Variants in SLC1A1 observed in about 807,000 individuals in gnomAD.
SLC1A1 encodes the protein excitatory amino acid transporter 3.
A neutral mutation model predicts 53.3 loss-of-function variants in SLC1A1; 43 were observed. The ratio of observed to expected loss-of-function variants is 0.81; its 90% CI spans 0.63 to 1.04. The LOEUF is 1.04. Ranked by LOEUF, SLC1A1 falls within the 50% of genes least tolerant of loss-of-function variation. The probability of loss-of-function intolerance (pLI) is 0.00; values close to 1 mark genes in which losing one functional copy is unlikely to be tolerated. For synonymous variants in SLC1A1, 307 were observed against 243.2 expected, an observed-to-expected ratio of 1.26 and a Z score of -2.44; for missense variants, 748 against 664.9, an observed-to-expected ratio of 1.12 and a Z score of -1.37.
chr9:4,522,174 C>T (rs1165534896), intron 1 of SLC1A1, among the ~76,000 whole-genome samples: 2 of 151,394 alleles, frequency 1.3e-5, no homozygotes, highest in African/African-American at 4.9e-5. Flanking sequence ...GCCTAAGCCT[C>T]CCGAGTAGCT....
chr9:4,519,708 A>C (rs1815998159), intron 1 of SLC1A1, among the ~76,000 whole-genome samples: 1 of 152,232 alleles, frequency 6.6e-6, no homozygotes, highest in East Asian at 1.9e-4. Flanking sequence ...ATGAGGATAC[A>C]GAGGCTTAGA....
chr9:4,491,704 C>T (rs1333400885), intron 1 of SLC1A1, among the ~76,000 whole-genome samples: 1 of 152,186 alleles, frequency 6.6e-6, no homozygotes, highest in African/African-American at 2.4e-5. Context: ...CTGTCGCCTT[C>T]CCAGTGATAG....
intron 1 of SLC1A1, among the ~76,000 whole-genome samples, chr9:4,501,324 T>C (rs1820623641): frequency 6.6e-6 from 1 of 151,392 alleles, no homozygotes; most frequent in South Asian, 2.1e-4. Context: ...CTGCTTGGTC[T>C]GCATGTTGAA....
At chr9:4,513,762 A>T (rs1821071428) in intron 1 of SLC1A1, among the ~76,000 whole-genome samples, 2 of 152,250 alleles carry the variant, frequency 1.3e-5, no homozygotes, top group Admixed American at 6.5e-5. Flanking sequence ...TGTTTATAGC[A>T]GCACTCTGCA....
intron 1 of SLC1A1, among the ~76,000 whole-genome samples, chr9:4,512,139 A>G (rs2130815409): frequency 6.6e-6 from 1 of 152,320 alleles, no homozygotes; most frequent in South Asian, 2.1e-4. Flanking sequence ...TTCTCCCATA[A>G]TTGATGTATA....
intron 1 of SLC1A1, among the ~76,000 whole-genome samples, chr9:4,491,267 C>T (rs1411722114): frequency 1.3e-5 from 2 of 152,198 alleles, no homozygotes; most frequent in Non-Finnish European, 2.9e-5. Context: ...GGGAGGGAGG[C>T]TGAGAACGCT....
In SLC1A1 at chr9:4,586,817, G is replaced by C. The variant is rs749395042; in HGVS notation, c.*1259G>C. The C allele has an allele frequency of 6.6e-6, 1 of 152,134 alleles. No homozygotes were observed. The highest frequency in any genetic ancestry group is 1.5e-5 in the Non-Finnish European group (1 of 68,020). The allele number at this position is 152,134 out of a possible 1,614,324, so 9.4% of individuals were successfully genotyped here. On this transcript the variant is annotated 3_prime_UTR_variant, in exon 12 of 12. Transcript: ENST00000262352. ...ACATAAGCTGGTATCAGTGGTTCGG[G>C]GGAAATAGTTCCATTCTATGACTCT... is the stretch of plus-strand genomic sequence containing the variant.
chr9:4,511,413 C>G (rs747155441), intron 1 of SLC1A1, among the ~76,000 whole-genome samples: 1 of 152,116 alleles, frequency 6.6e-6, no homozygotes, highest in Non-Finnish European at 1.5e-5. Flanking sequence ...TCTCCCCTCA[C>G]GACCTAATCA....
chr9:4,561,487 G>C lies in SLC1A1; in HGVS notation c.271G>C (p.Gly91Arg). Residue 91 changes from glycine to arginine, a missense_variant, in exon 3 of 12, where the codon GGT becomes CGT. By Grantham distance (125) the Gly-to-Arg change is moderately radical (BLOSUM62 -2). Transcript: ENST00000262352. The stretch of plus-strand genomic sequence containing the variant: ...GGATTCCAACGTATCCGGAAAAATT[G>C]GTCTGCGCGCTGTCGTGTATTATTT... ...ALDSNVSGKI[G>R]LRAVVYYFCT... is the part of the protein sequence containing the mutation. The C allele has an allele frequency of 1.2e-6, 2 of 1,611,020 alleles. No homozygotes were observed. Among genetic ancestry groups the C allele is most frequent in the Non-Finnish European group, 1.7e-6 (2 of 1,177,236 alleles).
Position 4,587,013 on chromosome 9 carries a change from T to C in SLC1A1, c.*1455T>C, listed in dbSNP as rs764153442. On this transcript the variant is annotated 3_prime_UTR_variant, in exon 12 of 12. Coordinates refer to ENST00000262352, the MANE Select transcript of SLC1A1 (RefSeq NM_004170.6). ...CTTGTACTTACACTGAAATCCAAAA[T>C]AGTCATGTTTCTGCAGTATTCTGTA... The C allele has an allele frequency of 6.6e-6, 1 of 152,616 alleles. No homozygotes were observed. The highest frequency in any genetic ancestry group is 1.5e-5 in the Non-Finnish European group (1 of 68,040). 9.5% of individuals were successfully genotyped at this position (152,616 alleles called of 1,614,324 possible).
chr9:4,528,446 G>A lies in SLC1A1; in HGVS notation c.92-16121G>A, dbSNP rs530041152. Among the ~76,000 whole-genome samples, 8 of 152,156 alleles carry A rather than the reference G, an allele frequency of 5.3e-5. No individual in the cohort carries two copies. In the South Asian group the frequency reaches 8.3e-4, roughly 16 times the overall value. On this transcript the variant is annotated intron_variant, in intron 1 of 11. Transcript: ENST00000262352. The stretch of plus-strand genomic sequence containing the variant: ...ACAAAATTAGCTGGGCATGGTGGCC[G>A]GTGCCTGTAGTCCCAGCTACTCGGG...
In SLC1A1 at chr9:4,580,595, ATAT is replaced by A. The variant is rs1417395515; in HGVS notation, c.1194-2442_1194-2440del. On this transcript the variant is annotated intron_variant, in intron 10 of 11. Transcript: ENST00000262352. Reference sequence around the variant, plus strand: ...GACCTTGTCTCTGGAAAAAAAAAAAATATATATGTGTGTGTGTGTGTGTGTGTG... The same window carrying A: ...GACCTTGTCTCTGGAAAAAAAAAAAAATATGTGTGTGTGTGTGTGTGTGTG... 3.5e-5 allele frequency among the ~76,000 whole-genome samples: 3 copies of A among 85,360 alleles called. No homozygotes were observed. In the Admixed American group the frequency reaches 3.8e-4, roughly 11 times the overall value. 56.0% of individuals were successfully genotyped at this position (85,360 alleles called of 152,430 possible). A position where few individuals can be genotyped will look rare whatever the true frequency, so the allele number is the denominator to read the frequency against.
At chr9:4,569,612 G>A (rs1317962379) in intron 6 of SLC1A1, among the ~76,000 whole-genome samples, 1 of 152,222 alleles carries the variant, frequency 6.6e-6, no homozygotes, top group African/African-American at 2.4e-5. Context: ...GAGAAAAGGA[G>A]TGTTCATTAG....
At chr9:4,581,347 A>G (rs759186386) in intron 10 of SLC1A1, among the ~76,000 whole-genome samples, 6 of 152,246 alleles carry the variant, frequency 3.9e-5, no homozygotes, top group Non-Finnish European at 8.8e-5. Context: ...TCAAAGTAGA[A>G]TATGTTCAAG....
intron 1 of SLC1A1, among the ~76,000 whole-genome samples, chr9:4,525,530 T>C (rs779254168): frequency 6.6e-6 from 1 of 152,000 alleles, no homozygotes; most frequent in Non-Finnish European, 1.5e-5. Flanking sequence ...AGTAGGAGAA[T>C]AGGTATCCCC....
chr9:4,564,394 G>A lies in SLC1A1; in HGVS notation c.376G>A (p.Glu126Lys). 2 of 1,613,914 alleles carry A rather than the reference G, an allele frequency of 1.2e-6. No individual in the cohort carries two copies. The highest frequency in any genetic ancestry group is 1.7e-6 in the Non-Finnish European group (2 of 1,179,916). Residue 126 changes from glutamate to lysine, a missense_variant, in exon 4 of 12, where the codon GAA becomes AAA. By Grantham distance (56) the Glu-to-Lys change is moderately conservative. Coordinates refer to ENST00000262352, the MANE Select transcript of SLC1A1 (RefSeq NM_004170.6). ...IKPGVTQKVGEIARTGSTPEV... is the reference protein window; with the variant it reads ...IKPGVTQKVGKIARTGSTPEV... ...GCCTGGTGTCACCCAGAAAGTGGGT[G>A]AAATTGCGAGGACAGGCAGCACCCC...
chr9:4,544,738 T>C (rs775611133), intron 2 of SLC1A1, 31 bp downstream of exon 2: 2 of 1,574,814 alleles, frequency 1.3e-6, no homozygotes, highest in African/African-American at 1.3e-5. Flanking sequence ...TTCTCTATAT[T>C]AGTCCATTTT....
intron 1 of SLC1A1, among the ~76,000 whole-genome samples, chr9:4,518,891 T>C (rs757889741): frequency 6.6e-6 from 1 of 152,132 alleles, no homozygotes. Flanking sequence ...TCTTGACTTA[T>C]AGCAAAATCA....
chr9:4,521,890 C>G (rs1816086948), intron 1 of SLC1A1, among the ~76,000 whole-genome samples: 1 of 152,064 alleles, frequency 6.6e-6, no homozygotes, highest in Non-Finnish European at 1.5e-5. Context: ...TGAACCATAC[C>G]TTAGTGTCCA....
Sources: gnomAD v4.1 joint callset for allele counts (sites outside exome capture counted in the v4.1 genomes callset) on GRCh38, gnomAD v4.1.1 for gene constraint, MANE v1.5 for transcripts, NCBI Gene and HGNC (gene_info 2026-07-23, HGNC 2026-07-21) for gene names.